CNOT10: variants seen among roughly 807,000 people sequenced by gnomAD.
CNOT10 encodes the protein CCR4-NOT transcription complex subunit 10, also known as CCR4-NOT transcription complex, subunit 10.
In CNOT10, 30 loss-of-function variants were observed where a neutral mutation model predicts 94.6. That is an observed-to-expected ratio of 0.32 (90% CI 0.24 to 0.43). The LOEUF (loss-of-function observed/expected upper bound fraction) is 0.43. Among genes scored for constraint, CNOT10 ranks in the 20% least tolerant of loss-of-function variants. The pLI, the probability that CNOT10 is intolerant of heterozygous loss-of-function variation, is 1.00. For synonymous variants in CNOT10, 289 were observed against 301.6 expected (o/e 0.96, Z 0.43); for missense variants, 759 against 877.2 (o/e 0.87, Z 1.70).
intron 1 of CNOT10, among the ~76,000 whole-genome samples, chr3:32,701,224 T>G (rs1697330092): frequency 6.6e-6 from 1 of 151,912 alleles, no homozygotes; most frequent in South Asian, 2.1e-4. Flanking sequence ...AGAGCAAGAC[T>G]CCATCTAAAT....
Position 32,773,545 on chromosome 3 carries a change from G to A in CNOT10, c.2169G>A (p.Val723=), listed in dbSNP as rs775154598. Residue 723 remains valine, a synonymous_variant, in exon 19 of 19, where the codon GTG becomes GTA. Transcript: ENST00000328834. ...KTHSEVRKKP[V]FQPVHPIQPI... is the part of the protein sequence containing the mutation. ...ACTCTGAAGTGAGAAAGAAGCCAGT[G>A]TTTCAGCCTGTCCACCCGATCCAGC... 1 of 1,614,196 alleles carries A rather than the reference G, an allele frequency of 6.2e-7. No individual in the cohort carries two copies. Among genetic ancestry groups the A allele is most frequent in the East Asian group, 2.2e-5 (1 of 44,886 alleles).
At chr3:32,695,950 A>T (rs1697035144) in intron 1 of CNOT10, 1 of 749,344 alleles carries the variant, frequency 1.3e-6, no homozygotes, top group South Asian at 1.8e-5. Flanking sequence ...GGAAAATAAA[A>T]ATAATCCTGT....
rs866972255 is a variant in CNOT10, at chr3:32,753,959, T to C, written c.1596-5499T>C. ...ACAAAATATAAAAATTAGCTGGGCA[T>C]GGAGGTGCATGCTTGTAATCCCAGT... On this transcript the variant is annotated intron_variant, in intron 13 of 18. Coordinates refer to ENST00000328834, the MANE Select transcript of CNOT10 (RefSeq NM_015442.3). The C allele has an allele frequency of 9.0e-5, 75 of 837,828 alleles. No individual in the cohort carries two copies. The Middle Eastern group carries it at 2.2e-3, about 25-fold the overall frequency. The allele number at this position is 837,828 out of a possible 1,614,324, so 51.9% of individuals were successfully genotyped here.
intron 9 of CNOT10, 114 bp from the exon 10 acceptor site, chr3:32,727,554 C>G: frequency 1.4e-6 from 1 of 698,488 alleles, no homozygotes; most frequent in Admixed American, 2.6e-5. Flanking sequence ...AAACTCAGAT[C>G]AGGATTATTG....
intron 14 of CNOT10, among the ~76,000 whole-genome samples, chr3:32,761,132 A>G (rs1279319165): frequency 6.6e-6 from 1 of 152,160 alleles, no homozygotes; most frequent in Non-Finnish European, 1.5e-5. Flanking sequence ...CCATCTCAAA[A>G]AAAAGTAATA....
chr3:32,770,397 C>G (rs1030918634), intron 18 of CNOT10, among the ~76,000 whole-genome samples: 1 of 145,948 alleles, frequency 6.9e-6, no homozygotes, highest in Non-Finnish European at 1.5e-5. Context: ...GCGATCTCGG[C>G]TCACTGCAAG....
At chr3:32,719,500 T>TAC (rs1396564404) in intron 7 of CNOT10, among the ~76,000 whole-genome samples, 1 of 152,198 alleles carries the variant, frequency 6.6e-6, no homozygotes, top group Non-Finnish European at 1.5e-5. Flanking sequence ...CATGCTTTCG[T>TAC]ACTCTAAACA....
At chr3:32,706,013 G>T (rs1022395833) in intron 3 of CNOT10, among the ~76,000 whole-genome samples, 1 of 152,112 alleles carries the variant, frequency 6.6e-6, no homozygotes, top group Non-Finnish European at 1.5e-5. Context: ...GGCAGTAGGT[G>T]CTTATTATCT....
At chr3:32,711,952 AAAGG>A (rs1697909050) in intron 4 of CNOT10, among the ~76,000 whole-genome samples, 1 of 152,164 alleles carries the variant, frequency 6.6e-6, no homozygotes, top group Non-Finnish European at 1.5e-5. Flanking sequence ...TCCACTCTTT[AAAGG>A]CTTTTGAAAT....
At chr3:32,741,747 C>T (rs1179999651) in intron 13 of CNOT10, among the ~76,000 whole-genome samples, 19 of 143,018 alleles carry the variant, frequency 1.3e-4, no homozygotes, top group African/African-American at 3.6e-4. Flanking sequence ...CCAGCCTGGG[C>T]GACAGAGCGA....
intron 1 of CNOT10, among the ~76,000 whole-genome samples, chr3:32,697,786 TA>T (rs1480686866): frequency 1.3e-5 from 2 of 152,250 alleles, no homozygotes. Flanking sequence ...GGGCATATTT[TA>T]GAAGAAGCTT....
At chr3:32,688,465 C>T (rs1021834118) in intron 1 of CNOT10, among the ~76,000 whole-genome samples, 4 of 151,938 alleles carry the variant, frequency 2.6e-5, no homozygotes, top group Admixed American at 6.6e-5. Context: ...GGCATGCTGG[C>T]GCACACCTGT....
intron 8 of CNOT10, among the ~76,000 whole-genome samples, chr3:32,721,394 T>C (rs184582578): frequency 1.6e-3 from 243 of 150,304 alleles, no homozygotes; most frequent in African/African-American, 4.8e-3. Flanking sequence ...CCTTGGACTT[T>C]TGCTTTGTGA....
intron 8 of CNOT10, among the ~76,000 whole-genome samples, chr3:32,722,706 G>A (rs1484723529): frequency 3.9e-5 from 6 of 152,152 alleles, no homozygotes; most frequent in Non-Finnish European, 7.4e-5. Flanking sequence ...ATGGCCAGGC[G>A]TGGTGGCTCA....
At chr3:32,771,334 C>G (rs111446974) in intron 18 of CNOT10, among the ~76,000 whole-genome samples, 3 of 152,030 alleles carry the variant, frequency 2.0e-5, no homozygotes, top group African/African-American at 7.2e-5. Flanking sequence ...GGCACAGTGG[C>G]TCACGCCTAT....
chr3:32,733,084 C>G (rs1699029182), intron 10 of CNOT10, among the ~76,000 whole-genome samples: 1 of 152,132 alleles, frequency 6.6e-6, no homozygotes, highest in African/African-American at 2.4e-5. Context: ...TTTCCTTACT[C>G]TGATGTCAAA....
intron 18 of CNOT10, among the ~76,000 whole-genome samples, chr3:32,772,400 T>C (rs747719886): frequency 3.3e-4 from 50 of 152,056 alleles, no homozygotes; most frequent in Non-Finnish European, 5.1e-4. Flanking sequence ...GAGTCCTAGC[T>C]ACTCTGGAGG....
At chr3:32,708,136 G>A (rs1393554783) in intron 3 of CNOT10, among the ~76,000 whole-genome samples, 1 of 152,084 alleles carries the variant, frequency 6.6e-6, no homozygotes, top group African/African-American at 2.4e-5. Context: ...GACCTCAAGT[G>A]ATCTGCCTGT....
chr3:32,773,363 C>A (rs1159385513), intron 18 of CNOT10, 94 bp from the exon 19 acceptor site: 10 of 1,296,414 alleles, frequency 7.7e-6, no homozygotes, highest in Non-Finnish European at 1.1e-5. Flanking sequence ...TCTTCTAGAT[C>A]ATCTTTTACC....
Sources: gnomAD v4.1 joint callset for allele counts (sites outside exome capture counted in the v4.1 genomes callset) on GRCh38, gnomAD v4.1.1 for gene constraint, MANE v1.5 for transcripts, NCBI Gene and HGNC (gene_info 2026-07-23, HGNC 2026-07-21) for gene names.